Variants in NUMB observed in about 807,000 individuals in gnomAD.
The protein encoded by NUMB is NUMB endocytic adaptor protein, also known as protein numb homolog.
A neutral mutation model predicts 59.7 loss-of-function variants in NUMB; 29 were observed. That is an observed-to-expected ratio of 0.49 (90% confidence interval 0.36 to 0.66). NUMB has a LOEUF of 0.66. Among genes scored for constraint, NUMB ranks in the 30% least tolerant of loss-of-function variants. The pLI is 0.00. For synonymous variants in NUMB, 288 were observed against 288.2 expected (o/e 1.00, Z 0.01); for missense variants, 723 against 822.0 (o/e 0.88, Z 1.47).
intron 6 of NUMB, among the ~76,000 whole-genome samples, chr14:73,308,112 G>A (rs962726532): frequency 6.6e-6 from 1 of 152,168 alleles, no homozygotes; most frequent in Non-Finnish European, 1.5e-5. Context: ...AGCAGGGGTA[G>A]TAGGATGCTA....
chr14:73,307,622 T>A (rs1228173594), intron 6 of NUMB, among the ~76,000 whole-genome samples: 1 of 151,546 alleles, frequency 6.6e-6, no homozygotes, highest in Non-Finnish European at 1.5e-5. Flanking sequence ...AAGAGGGGAT[T>A]CATATGCAAT....
intron 2 of NUMB, among the ~76,000 whole-genome samples, chr14:73,390,662 TTTTTTTTG>T (rs1895801868): frequency 7.3e-6 from 1 of 136,770 alleles, no homozygotes; most frequent in Non-Finnish European, 1.6e-5. Context: ...TTTTTTTTTT[TTTTTTTTG>T]AGACAGTCTT....
chr14:73,432,350 C>T (rs1213333261), intron 1 of NUMB, among the ~76,000 whole-genome samples: 1 of 151,680 alleles, frequency 6.6e-6, no homozygotes, highest in African/African-American at 2.4e-5. Context: ...AACACAAGAA[C>T]AGGCTCACAT....
intron 2 of NUMB, among the ~76,000 whole-genome samples, chr14:73,385,403 A>T (rs1472422027): frequency 6.7e-6 from 1 of 149,550 alleles, no homozygotes; most frequent in Non-Finnish European, 1.5e-5. Flanking sequence ...CTGCCTCCCA[A>T]AGTCCTAGAA....
intron 2 of NUMB, among the ~76,000 whole-genome samples, chr14:73,396,040 T>G (rs1896116143): frequency 6.6e-6 from 1 of 152,184 alleles, no homozygotes; most frequent in South Asian, 2.1e-4. Context: ...TTTTATTTTT[T>G]TTATTTTTTA....
intron 2 of NUMB, among the ~76,000 whole-genome samples, chr14:73,372,225 T>G (rs1894706981): frequency 6.8e-6 from 1 of 147,046 alleles, no homozygotes; most frequent in Non-Finnish European, 1.5e-5. Flanking sequence ...AGAGCAATAC[T>G]CCATCTCAAA....
intron 1 of NUMB, among the ~76,000 whole-genome samples, chr14:73,417,306 A>G (rs142198437): frequency 2.6e-5 from 4 of 152,262 alleles, no homozygotes; most frequent in African/African-American, 7.2e-5. Context: ...GGCAACTGCT[A>G]AAAGAGCATT....
intron 2 of NUMB, among the ~76,000 whole-genome samples, chr14:73,371,795 T>C (rs965586020): frequency 6.6e-6 from 1 of 152,168 alleles, no homozygotes; most frequent in African/African-American, 2.4e-5. Context: ...ACTGTGTTCC[T>C]CTTCTCCGGA....
Position 73,275,904 on chromosome 14 carries a change from A to C in NUMB, c.*674T>G, listed in dbSNP as rs1888120622. 1 of 152,606 alleles carries C rather than the reference A, an allele frequency of 6.6e-6. No individual in the cohort carries two copies. Among genetic ancestry groups the C allele is most frequent in the Admixed American group, 6.5e-5 (1 of 15,278 alleles). 9.5% of individuals were successfully genotyped at this position (152,606 alleles called of 1,614,324 possible). A position where few individuals can be genotyped will look rare whatever the true frequency, so the allele number is the denominator to read the frequency against. ...ACAATTTCTTACAACTAGCCCCTTT[A>C]CCTTTGGCAAGATTACTTACAACTC... On this transcript the variant is annotated 3_prime_UTR_variant, in exon 13 of 13. Coordinates refer to ENST00000555238, the MANE Select transcript of NUMB (RefSeq NM_001005743.2).
chr14:73,425,956 G>A (rs906999992), intron 1 of NUMB, among the ~76,000 whole-genome samples: 7 of 151,794 alleles, frequency 4.6e-5, no homozygotes, highest in Admixed American at 6.6e-5. Context: ...CTACAGGTAC[G>A]TGCCACCAAG....
chr14:73,359,822 A>C (rs1432112194), intron 3 of NUMB, among the ~76,000 whole-genome samples: 4 of 152,088 alleles, frequency 2.6e-5, no homozygotes, highest in Non-Finnish European at 4.4e-5. Flanking sequence ...TTTACACATT[A>C]TCTCTTCAAT....
intron 2 of NUMB, among the ~76,000 whole-genome samples, chr14:73,369,124 C>G (rs1413085334): frequency 2.6e-5 from 4 of 151,554 alleles, no homozygotes; most frequent in Admixed American, 2.6e-4. Flanking sequence ...TCACTGCAAC[C>G]TTTGCCTCCT....
At chr14:73,345,443 A>G (rs149028129) in intron 4 of NUMB, among the ~76,000 whole-genome samples, 27 of 152,294 alleles carry the variant, frequency 1.8e-4, no homozygotes, top group African/African-American at 6.3e-4. Context: ...GTGACATGCA[A>G]TTTACCCATG....
At chr14:73,288,586 A>G (rs7159680) in intron 8 of NUMB, among the ~76,000 whole-genome samples, 43,523 of 148,732 alleles carry the variant, frequency 0.29, 7,528 homozygotes, top group East Asian at 0.72. Flanking sequence ...AAGGCCGGGC[A>G]CAGTGGCTCA....
intron 4 of NUMB, among the ~76,000 whole-genome samples, chr14:73,332,265 C>CT (rs573148918): frequency 6.8e-5 from 10 of 147,810 alleles, no homozygotes; most frequent in South Asian, 4.3e-4. Context: ...TTTTTTTTTT[C>CT]TTTTTTTTGA....
At chr14:73,342,371 C>G (rs933967782) in intron 4 of NUMB, among the ~76,000 whole-genome samples, 1 of 152,232 alleles carries the variant, frequency 6.6e-6, no homozygotes, top group Admixed American at 6.5e-5. Context: ...CTACTTGTCA[C>G]ACAGAGTTAT....
chr14:73,350,298 C>T (rs554806585), intron 4 of NUMB, among the ~76,000 whole-genome samples: 223 of 151,460 alleles, frequency 1.5e-3, no homozygotes, highest in African/African-American at 5.2e-3. Context: ...CTCAGCCTCC[C>T]GAGTAGCTGG....
At chr14:73,350,049 A>G (rs1893139067) in intron 4 of NUMB, among the ~76,000 whole-genome samples, 2 of 142,644 alleles carry the variant, frequency 1.4e-5, no homozygotes, top group East Asian at 3.9e-4. Flanking sequence ...TCTCACATAC[A>G]TACATACATA....
intron 6 of NUMB, among the ~76,000 whole-genome samples, chr14:73,307,148 A>C (rs958031079): frequency 2.6e-5 from 4 of 152,046 alleles, no homozygotes; most frequent in Non-Finnish European, 5.9e-5. Flanking sequence ...TCTCTACTGA[A>C]AATACAAAAA....
Sources: allele counts gnomAD v4.1 joint callset (sites outside exome capture counted in the v4.1 genomes callset), GRCh38; gene constraint gnomAD v4.1.1; transcripts MANE v1.5; gene names NCBI Gene and HGNC (gene_info 2026-07-23, HGNC 2026-07-21).